The following PKN2 variants were observed in gnomAD, a reference collection of about 807,000 sequenced individuals.
The protein encoded by PKN2 is serine/threonine-protein kinase N2.
Under a neutral mutation model 119.1 loss-of-function variants are expected in PKN2, and 38 were observed. The observed-to-expected ratio is 0.32, with a 90% confidence interval of 0.25 to 0.42. PKN2 has a LOEUF of 0.42. Ranked by LOEUF, PKN2 falls within the 10% of genes least tolerant of loss-of-function variation. The pLI is 1.00. For synonymous variants in PKN2, 390 were observed against 384.9 expected, an observed-to-expected ratio of 1.01 and a Z score of -0.15; for missense variants, 850 against 1,165.1, an observed-to-expected ratio of 0.73 and a Z score of 3.94.
intron 1 of PKN2, among the ~76,000 whole-genome samples, chr1:88,711,888 G>A (rs968029240): frequency 6.6e-6 from 1 of 151,874 alleles, no homozygotes; most frequent in Non-Finnish European, 1.5e-5. Context: ...ATATATGATT[G>A]GATCATAAAT....
intron 6 of PKN2, among the ~76,000 whole-genome samples, chr1:88,778,965 C>T (rs1000468133): frequency 3.3e-5 from 5 of 152,152 alleles, no homozygotes; most frequent in Non-Finnish European, 4.4e-5. Flanking sequence ...CCTTGTGATC[C>T]GCCCGCCTTG....
intron 8 of PKN2, among the ~76,000 whole-genome samples, chr1:88,797,888 G>A (rs1671154994): frequency 6.6e-6 from 1 of 152,022 alleles, no homozygotes. Context: ...CAGCACTTTG[G>A]GAGGCTGACA....
At chr1:88,770,755 T>C (rs1467291944) in intron 4 of PKN2, among the ~76,000 whole-genome samples, 1 of 151,488 alleles carries the variant, frequency 6.6e-6, no homozygotes, top group Admixed American at 6.6e-5. Flanking sequence ...CCGGCTAATT[T>C]TTTGTATTTT....
chr1:88,711,919 G>T (rs924944553), intron 1 of PKN2, among the ~76,000 whole-genome samples: 1 of 152,096 alleles, frequency 6.6e-6, no homozygotes, highest in Non-Finnish European at 1.5e-5. Context: ...ATGTGTATGT[G>T]AGTGTATGTA....
intron 3 of PKN2, among the ~76,000 whole-genome samples, chr1:88,762,369 A>G (rs978356839): frequency 3.3e-5 from 5 of 152,314 alleles, no homozygotes; most frequent in Middle Eastern, 3.4e-3. Context: ...TCGAAAGCCT[A>G]TTTGCAACTA....
At chr1:88,775,610 A>G (rs1438191216) in intron 6 of PKN2, among the ~76,000 whole-genome samples, 1 of 152,194 alleles carries the variant, frequency 6.6e-6, no homozygotes, top group Non-Finnish European at 1.5e-5. Flanking sequence ...GATTACCCCA[A>G]TGATTATAAC....
chr1:88,821,700 C>A (rs1414099545), intron 16 of PKN2, among the ~76,000 whole-genome samples: 1 of 152,204 alleles, frequency 6.6e-6, no homozygotes, highest in East Asian at 1.9e-4. Flanking sequence ...GATCAAATGT[C>A]CCCTCTGAGG....
At chr1:88,828,852 A>G (rs1260448627) in intron 19 of PKN2, among the ~76,000 whole-genome samples, 2 of 151,562 alleles carry the variant, frequency 1.3e-5, no homozygotes, top group African/African-American at 4.9e-5. Context: ...CTTGTATTTC[A>G]GTATTGTACT....
chr1:88,703,847 T>A (rs1157621436), intron 1 of PKN2, among the ~76,000 whole-genome samples: 1 of 152,166 alleles, frequency 6.6e-6, no homozygotes, highest in Non-Finnish European at 1.5e-5. Context: ...GAGGAATTGA[T>A]TCTAGAACCA....
intron 16 of PKN2, among the ~76,000 whole-genome samples, chr1:88,814,069 C>G (rs1671886873): frequency 1.3e-5 from 2 of 152,110 alleles, no homozygotes; most frequent in African/African-American, 4.8e-5. Context: ...ACTCAAAATG[C>G]ACTGTTAAGT....
chr1:88,774,924 G>T (rs557207305), intron 6 of PKN2, among the ~76,000 whole-genome samples: 34 of 152,226 alleles, frequency 2.2e-4, no homozygotes, highest in African/African-American at 8.2e-4. Flanking sequence ...GCTCAGGCTT[G>T]TCTCAAACTC....
At chr1:88,758,446 G>A (rs1669306183) in intron 2 of PKN2, among the ~76,000 whole-genome samples, 1 of 151,836 alleles carries the variant, frequency 6.6e-6, no homozygotes, top group Non-Finnish European at 1.5e-5. Context: ...TTGTGTCTTG[G>A]GGTTTTATTA....
At chr1:88,780,877 AACTC>A (rs1371105194) in intron 6 of PKN2, 1 of 153,628 alleles carries the variant, frequency 6.5e-6, no homozygotes, top group Non-Finnish European at 1.4e-5. Flanking sequence ...ACATTTTAGA[AACTC>A]AGCTGATAAT....
In PKN2 at chr1:88,832,724, C is replaced by G; in HGVS notation, c.2563-20C>G. Reference sequence around the variant, plus strand: ...CTGCCTTAAAACTTGCTTTAACTTACTCAAAGGTATTTCTTCTAGTCTCCC... The same window carrying G: ...CTGCCTTAAAACTTGCTTTAACTTAGTCAAAGGTATTTCTTCTAGTCTCCC... On this transcript the variant is annotated intron_variant, in intron 19 of 21. Coordinates refer to ENST00000370521, the MANE Select transcript of PKN2 (RefSeq NM_006256.4). The G allele has an allele frequency of 7.0e-7, 1 of 1,424,306 alleles. No individual in the cohort carries two copies. Among genetic ancestry groups the G allele is most frequent in the South Asian group, 1.2e-5 (1 of 83,462 alleles). The allele number at this position is 1,424,306 out of a possible 1,614,324, so 88.2% of individuals were successfully genotyped here.
At chr1:88,721,416 C>T (rs867113035) in intron 1 of PKN2, among the ~76,000 whole-genome samples, 39 of 152,000 alleles carry the variant, frequency 2.6e-4, no homozygotes, top group Non-Finnish European at 1.6e-4. Context: ...AATAGGTATA[C>T]GGAACTAATT....
Position 88,786,215 on chromosome 1 carries a change from TA to T in PKN2, c.1281+4del. 7.2e-7 allele frequency: 1 copy of T among 1,386,462 alleles called. No homozygotes were observed. Among genetic ancestry groups the T allele is most frequent in the Non-Finnish European group, 1.0e-6 (1 of 985,000 alleles). 85.9% of individuals were successfully genotyped at this position (1,386,462 alleles called of 1,614,324 possible). A position where few individuals can be genotyped will look rare whatever the true frequency, so the allele number is the denominator to read the frequency against. On this transcript the variant is annotated splice_donor_region_variant and intron_variant, in intron 8 of 21. Transcript: ENST00000370521. Reference sequence around the variant, plus strand: ...AAGTTTACACTGGAACTGGACAGGGTAAGAGGACTAACATTTTACTTGAATT... The same window carrying T: ...AAGTTTACACTGGAACTGGACAGGGTAGAGGACTAACATTTTACTTGAATT...
intron 16 of PKN2, among the ~76,000 whole-genome samples, chr1:88,817,635 G>A (rs1369937455): frequency 1.3e-5 from 2 of 150,808 alleles, no homozygotes; most frequent in African/African-American, 4.9e-5. Flanking sequence ...CTTGAACCCT[G>A]GAGGCAGAGG....
chr1:88,793,126 C>T (rs1670914481), intron 8 of PKN2, among the ~76,000 whole-genome samples: 1 of 152,106 alleles, frequency 6.6e-6, no homozygotes, highest in Middle Eastern at 3.2e-3. Flanking sequence ...TAATTTTATG[C>T]AGTTATGATT....
Position 88,820,182 on chromosome 1 carries a change from ATATATATATATATATATAT to A in PKN2, c.2280-1758_2280-1740del, listed in dbSNP as rs1672193570. ...ATCAAACAAATCTTTTCAGAAACCT[ATATATATATATATATATAT>A]ATATATATATATATATATATATATA... On this transcript the variant is annotated intron_variant, in intron 16 of 21. Coordinates refer to ENST00000370521, the MANE Select transcript of PKN2 (RefSeq NM_006256.4). Among the ~76,000 whole-genome samples the A allele has an allele frequency of 3.7e-3, 30 of 8,144 alleles. 1 individual carries two copies. Among genetic ancestry groups the A allele is most frequent in the South Asian group, 0.024 (4 of 164 alleles). 5.3% of individuals were successfully genotyped at this position (8,144 alleles called of 152,430 possible).
Sources: gnomAD v4.1 joint callset for allele counts (sites outside exome capture counted in the v4.1 genomes callset) on GRCh38, gnomAD v4.1.1 for gene constraint, MANE v1.5 for transcripts, NCBI Gene and HGNC (gene_info 2026-07-23, HGNC 2026-07-21) for gene names.